Variants in IGFBP2 observed in about 807,000 individuals in gnomAD.
IGFBP2 encodes insulin like growth factor binding protein 2.
In IGFBP2, 12 loss-of-function variants were observed where a neutral mutation model predicts 26.2. The ratio of observed to expected loss-of-function variants is 0.46; its 90% CI spans 0.29 to 0.74. IGFBP2 has a LOEUF of 0.74. Among genes scored for constraint, IGFBP2 ranks in the 30% least tolerant of loss-of-function variants. IGFBP2 has a pLI of 0.09. For missense variants in IGFBP2, 328 were observed against 441.2 expected, an observed-to-expected ratio of 0.74 and a Z score of 2.30; for synonymous variants, 189 against 200.6, an observed-to-expected ratio of 0.94 and a Z score of 0.49.
rs1461811006 is a variant in IGFBP2, at chr2:216,633,459, C to G, written c.-65C>G. ...GGAGGCGGCTCCCGCGCTCGCAGGG[C>G]CGTGCCACCTGCCCGCCCGCCCGCT... On this transcript the variant is annotated 5_prime_UTR_variant, in exon 1 of 4. Transcript: ENST00000233809. 3.2e-6 allele frequency: 1 copy of G among 313,944 alleles called. No homozygotes were observed. Among genetic ancestry groups the G allele is most frequent in the Non-Finnish European group, 4.7e-6 (1 of 213,850 alleles). 19.4% of individuals were successfully genotyped at this position (313,944 alleles called of 1,614,324 possible). A position where few individuals can be genotyped will look rare whatever the true frequency, so the allele number is the denominator to read the frequency against.
intron 1 of IGFBP2, among the ~76,000 whole-genome samples, chr2:216,657,743 G>A (rs1045873140): frequency 2.6e-5 from 4 of 152,190 alleles, no homozygotes; most frequent in African/African-American, 9.6e-5. Flanking sequence ...ACGCTAAATC[G>A]GCCTTTTCCT....
At chr2:216,651,427 G>A (rs1697822804) in intron 1 of IGFBP2, among the ~76,000 whole-genome samples, 3 of 152,208 alleles carry the variant, frequency 2.0e-5, no homozygotes, top group Admixed American at 6.5e-5. Context: ...TCTCAACTGA[G>A]CATGCGTGGT....
chr2:216,654,822 C>T (rs544204851), intron 1 of IGFBP2, among the ~76,000 whole-genome samples: 1 of 152,182 alleles, frequency 6.6e-6, no homozygotes, highest in East Asian at 1.9e-4. Context: ...TGAAACATAC[C>T]CTTGAATCCA....
At chr2:216,635,252 G>A (rs1188802538) in intron 1 of IGFBP2, among the ~76,000 whole-genome samples, 2 of 152,204 alleles carry the variant, frequency 1.3e-5, no homozygotes, top group African/African-American at 2.4e-5. Flanking sequence ...GCAAGTTAGG[G>A]CTTCCTCTGA....
intron 1 of IGFBP2, among the ~76,000 whole-genome samples, chr2:216,649,377 G>GACCATA (rs1697774781): frequency 6.6e-6 from 1 of 152,138 alleles, no homozygotes; most frequent in African/African-American, 2.4e-5. Context: ...TACAAGTAAT[G>GACCATA]CTGTAATGAC....
chr2:216,637,158 G>A (rs969272412), intron 1 of IGFBP2, among the ~76,000 whole-genome samples: 2 of 152,164 alleles, frequency 1.3e-5, no homozygotes, highest in Non-Finnish European at 2.9e-5. Flanking sequence ...AAATGAGTGG[G>A]ATCTACTGTC....
At chr2:216,633,257 G>C (rs1697414930), upstream of IGFBP2, 1 of 153,392 alleles carries the variant, frequency 6.5e-6, no homozygotes, top group Non-Finnish European at 1.4e-5. Flanking sequence ...AACCCCCAGA[G>C]CCCGCAGCCA....
intron 1 of IGFBP2, among the ~76,000 whole-genome samples, chr2:216,655,843 C>T (rs1697910138): frequency 1.3e-5 from 2 of 150,648 alleles, no homozygotes. Context: ...TGCAGTGAGC[C>T]AAGATCGTGC....
chr2:216,643,245 G>A (rs573422287), intron 1 of IGFBP2, among the ~76,000 whole-genome samples: 12 of 152,174 alleles, frequency 7.9e-5, no homozygotes, highest in Non-Finnish European at 1.6e-4. Context: ...CTCCTGAGTT[G>A]GGGAGCAGCA....
intron 1 of IGFBP2, among the ~76,000 whole-genome samples, chr2:216,650,373 G>A (rs1314485750): frequency 6.6e-6 from 1 of 152,200 alleles, no homozygotes; most frequent in East Asian, 1.9e-4. Context: ...AGTCAGGATC[G>A]AACCTCAGTC....
Position 216,633,839 on chromosome 2 carries a change from G to T in IGFBP2, c.316G>T (p.Gly106Cys). ...GTGCGGCGTCTACACCCCGCGCTGC[G>T]GCCAGGGGCTGCGCTGCTATCCCCA... Reference protein sequence around the residue: ...EACGVYTPRCGQGLRCYPHPG... With the variant: ...EACGVYTPRCCQGLRCYPHPG... Residue 106 changes from glycine (G) to cysteine (C), a missense_variant, in exon 1 of 4, where the codon GGC becomes TGC. Gly to Cys is a radical substitution (Grantham distance 159). Coordinates refer to ENST00000233809, the MANE Select transcript of IGFBP2 (RefSeq NM_000597.3). 6.5e-7 allele frequency: 1 copy of T among 1,543,730 alleles called. No homozygotes were observed. The highest frequency in any genetic ancestry group is 8.7e-7 in the Non-Finnish European group (1 of 1,150,322).
intron 1 of IGFBP2, among the ~76,000 whole-genome samples, chr2:216,643,715 C>T (rs538723026): frequency 1.4e-3 from 207 of 152,004 alleles, no homozygotes; most frequent in African/African-American, 4.7e-3. Flanking sequence ...AGAAAGTTTA[C>T]GAAATTGTGT....
chr2:216,658,526 TTTTA>T (rs143672936), intron 1 of IGFBP2, among the ~76,000 whole-genome samples: 123,947 of 146,260 alleles, frequency 0.85, 53,411 homozygotes, highest in Non-Finnish European at 0.93. Context: ...CCAGGTCGTC[TTTTA>T]TTTATTTATT....
intron 1 of IGFBP2, among the ~76,000 whole-genome samples, chr2:216,646,205 T>A (rs1697707248): frequency 6.6e-6 from 1 of 152,034 alleles, no homozygotes; most frequent in Non-Finnish European, 1.5e-5. Context: ...GAGAGCAGAG[T>A]TATGGGGATG....
chr2:216,651,485 A>C (rs1033256656), intron 1 of IGFBP2, among the ~76,000 whole-genome samples: 3 of 152,256 alleles, frequency 2.0e-5, no homozygotes, highest in Non-Finnish European at 2.9e-5. Flanking sequence ...CTCCCGCTAA[A>C]TTCTGTAAAC....
intron 1 of IGFBP2, among the ~76,000 whole-genome samples, chr2:216,651,628 A>G (rs1009244358): frequency 3.3e-5 from 5 of 152,258 alleles, no homozygotes; most frequent in African/African-American, 7.2e-5. Flanking sequence ...GCAATAGATC[A>G]TATTGCAGAA....
At chr2:216,632,925 A>G (rs1574549382), upstream of IGFBP2, 1 of 152,236 alleles carries the variant, frequency 6.6e-6, no homozygotes, top group African/African-American at 2.4e-5. Context: ...CCCACCCAAC[A>G]AGAAGTCATT....
chr2:216,652,595 G>C (rs1258492568), intron 1 of IGFBP2, among the ~76,000 whole-genome samples: 2 of 152,252 alleles, frequency 1.3e-5, no homozygotes, highest in Non-Finnish European at 2.9e-5. Flanking sequence ...GTTCTTGACT[G>C]CTGGGTTCAT....
In IGFBP2 at chr2:216,659,900, T is replaced by G. The variant is rs114544492; in HGVS notation, c.443-657T>G. The stretch of plus-strand genomic sequence containing the variant: ...TGCCTCGGAGCAGCACTATGGGACC[T>G]TAGGCAGGGCCAGGTGGGCAGGTAC... On this transcript the variant is annotated intron_variant, in intron 1 of 3. Transcript: ENST00000233809. 1.7e-3 allele frequency among the ~76,000 whole-genome samples: 264 copies of G among 151,982 alleles called. 1 individual carries two copies. Among genetic ancestry groups the G allele is most frequent in the Admixed American group, 4.2e-3 (64 of 15,258 alleles).
Sources: allele counts gnomAD v4.1 joint callset (sites outside exome capture counted in the v4.1 genomes callset), GRCh38; gene constraint gnomAD v4.1.1; transcripts MANE v1.5; gene names NCBI Gene and HGNC (gene_info 2026-07-23, HGNC 2026-07-21).